Variants in ARFGEF2 observed in about 807,000 individuals in gnomAD.
ARFGEF2 encodes brefeldin A-inhibited guanine nucleotide-exchange protein 2.
A neutral mutation model predicts 219.9 loss-of-function variants in ARFGEF2; 74 were observed. That is an observed-to-expected ratio of 0.34 (90% CI 0.28 to 0.41). The LOEUF is 0.41. ARFGEF2 is among the 10% of genes least tolerant of loss of function. The pLI, the probability that ARFGEF2 is intolerant of heterozygous loss-of-function variation, is 1.00. For synonymous variants in ARFGEF2, 733 were observed against 799.2 expected (o/e 0.92, Z 1.40); for missense variants, 1,743 against 2,218.3 (o/e 0.79, Z 4.30).
chr20:49,014,173 A>G (rs1325327989), intron 30 of ARFGEF2, among the ~76,000 whole-genome samples: 2 of 151,940 alleles, frequency 1.3e-5, no homozygotes, highest in Admixed American at 6.6e-5. Flanking sequence ...ATGAGAGGAA[A>G]TACATCTCTG....
At chr20:48,946,964 G>C (rs1401428331) in intron 3 of ARFGEF2, among the ~76,000 whole-genome samples, 2 of 152,032 alleles carry the variant, frequency 1.3e-5, no homozygotes, top group African/African-American at 4.8e-5. Context: ...GCCACACCCA[G>C]CTAGTTATTT....
At chr20:48,937,096 A>C (rs1008252092) in intron 1 of ARFGEF2, among the ~76,000 whole-genome samples, 1 of 152,164 alleles carries the variant, frequency 6.6e-6, no homozygotes, top group African/African-American at 2.4e-5. Flanking sequence ...CAAAACAAAA[A>C]CAAAAGGTGC....
intron 1 of ARFGEF2, among the ~76,000 whole-genome samples, chr20:48,929,892 T>G (rs145430345): frequency 6.6e-6 from 1 of 152,132 alleles, no homozygotes; most frequent in Non-Finnish European, 1.5e-5. Context: ...GCTAGGAGTT[T>G]TATTTTTTAG....
At chr20:48,928,052 T>G (rs1490575941) in intron 1 of ARFGEF2, among the ~76,000 whole-genome samples, 2 of 152,174 alleles carry the variant, frequency 1.3e-5, no homozygotes, top group Non-Finnish European at 2.9e-5. Flanking sequence ...GGGCCGCAGT[T>G]TCCCAAGGTG....
chr20:48,994,648 G>A (rs2091375963), intron 22 of ARFGEF2, 50 bp downstream of exon 22: 5 of 1,607,466 alleles, frequency 3.1e-6, no homozygotes, highest in Non-Finnish European at 4.2e-6. Flanking sequence ...CAAGCTAACG[G>A]GGATGAAACC....
chr20:48,943,605 C>G (rs1047690149), intron 3 of ARFGEF2, among the ~76,000 whole-genome samples: 2 of 152,128 alleles, frequency 1.3e-5, no homozygotes, highest in African/African-American at 4.8e-5. Flanking sequence ...GGGTCTCACT[C>G]TGTTGCCCAG....
At chr20:49,025,238 C>T (rs2091594385) in intron 35 of ARFGEF2, 75 bp from the exon 36 acceptor site, 23 of 1,474,690 alleles carry the variant, frequency 1.6e-5, no homozygotes, top group Non-Finnish European at 1.6e-5. Context: ...TCATGACTGC[C>T]GTTGTCTGCA....
intron 3 of ARFGEF2, among the ~76,000 whole-genome samples, chr20:48,945,542 T>C (rs2091020187): frequency 6.6e-6 from 1 of 152,156 alleles, no homozygotes. Flanking sequence ...TCTTGAGTCT[T>C]ATGGGGTATG....
chr20:49,005,252 C>T (rs1481048922), intron 26 of ARFGEF2, 31 bp downstream of exon 26: 1 of 1,613,368 alleles, frequency 6.2e-7, no homozygotes, highest in Non-Finnish European at 8.5e-7. Context: ...GACGCTTGGT[C>T]AAATTCCCCG....
Position 48,941,249 on chromosome 20 carries a change from C to G in ARFGEF2, c.152+20C>G. 1 of 1,612,230 alleles carries G rather than the reference C, an allele frequency of 6.2e-7. No homozygotes were observed. Among genetic ancestry groups the G allele is most frequent in the Non-Finnish European group, 8.5e-7 (1 of 1,178,932 alleles). Reference sequence around the variant, plus strand: ...GCAGAGGTAAGCTATAGCACTACCTCCTTGCTGAGATACGGCATGAAGGGA... The same window carrying G: ...GCAGAGGTAAGCTATAGCACTACCTGCTTGCTGAGATACGGCATGAAGGGA... On this transcript the variant is annotated intron_variant, in intron 2 of 38. Transcript: ENST00000371917.
rs1429219989 is a variant in ARFGEF2 at position 49,016,325 on chromosome 20, A to T, written c.4225A>T (p.Ile1409Phe). 2 of 1,613,998 alleles carry T rather than the reference A, an allele frequency of 1.2e-6. No individual in the cohort carries two copies. Among genetic ancestry groups the T allele is most frequent in the South Asian group, 2.2e-5 (2 of 91,086 alleles). The change falls in exon 31 of 39, where the codon ATT (isoleucine) becomes TTT (phenylalanine). Residue 1409 changes from isoleucine (I) to phenylalanine (F), a missense_variant. Physicochemically the swap from Ile to Phe is conservative, Grantham distance 21 (BLOSUM62 0). Around this residue, in one of 5 missense-constraint regions of ARFGEF2, gnomAD observed 578 missense variants for 664.0 expected, o/e 0.87. Coordinates refer to ENST00000371917, the MANE Select transcript of ARFGEF2 (RefSeq NM_006420.3). ...AACCTGCAATCACGCACTTTATGCT[A>T]TTTGTGATGTTTTTACCCAGTTTTA... ...TTTCNHALYA[I>F]CDVFTQFYEA...
At chr20:48,948,007 C>T (rs773912411) in intron 3 of ARFGEF2, among the ~76,000 whole-genome samples, 36 of 152,188 alleles carry the variant, frequency 2.4e-4, no homozygotes, top group Admixed American at 4.6e-4. Context: ...CTAAGCTGCC[C>T]TGTTTATACC....
At chr20:48,929,055 C>T (rs1387977556) in intron 1 of ARFGEF2, among the ~76,000 whole-genome samples, 1 of 152,186 alleles carries the variant, frequency 6.6e-6, no homozygotes, top group Non-Finnish European at 1.5e-5. Flanking sequence ...ATGGAGTGTC[C>T]TATATAAATA....
rs146185214 is a variant in ARFGEF2 at position 49,001,814 on chromosome 20, A to G, written c.3433-3256A>G. Among the ~76,000 whole-genome samples the G allele has an allele frequency of 1.3e-3, 193 of 152,280 alleles. 1 individual carries two copies. The highest frequency in any genetic ancestry group is 3.7e-3 in the South Asian group (18 of 4,830). On this transcript the variant is annotated intron_variant, in intron 25 of 38. Transcript: ENST00000371917. ...TACTCATAGAAATATTACAGATAATATTGTCTTGGTTTGTTTCGCTTTTTA... is the reference window on the plus strand; with the variant it reads ...TACTCATAGAAATATTACAGATAATGTTGTCTTGGTTTGTTTCGCTTTTTA...
At chr20:49,019,120 C>T in intron 34 of ARFGEF2, 122 bp downstream of exon 34, 1 of 805,104 alleles carries the variant, frequency 1.2e-6, no homozygotes, top group Non-Finnish European at 2.0e-6. Context: ...TCTGCCAGTT[C>T]TCTGTAGCAG....
chr20:48,965,366 A>G (rs1363770808), intron 7 of ARFGEF2, among the ~76,000 whole-genome samples: 1 of 152,258 alleles, frequency 6.6e-6, no homozygotes, highest in Non-Finnish European at 1.5e-5. Flanking sequence ...ATCATCAGAT[A>G]TGCTTTCCTT....
chr20:48,976,256 G>A (rs2091260685), intron 14 of ARFGEF2, 57 bp downstream of exon 14: 5 of 1,593,218 alleles, frequency 3.1e-6, no homozygotes, highest in Middle Eastern at 1.8e-4. Flanking sequence ...TTTTCTCTGG[G>A]AACCTGGAAC....
In ARFGEF2 at chr20:48,973,263, G is replaced by A. The variant is rs147534008; in HGVS notation, c.1644G>A (p.Glu548=). The change falls in exon 12 of 39, where the codon GAG becomes GAA. Residue 548 remains glutamate, a synonymous_variant. Coordinates refer to ENST00000371917, the MANE Select transcript of ARFGEF2 (RefSeq NM_006420.3). ...SKIAQGRSGH[E]LGMTPLQELS... is the part of the protein sequence containing the mutation. ...TTGCTCAGGGAAGAAGTGGACATGA[G>A]CTGGGAATGACACCTCTGCAGGTAA... 2,292 of 1,614,138 alleles carry A rather than the reference G, an allele frequency of 1.4e-3. 5 individuals carry two copies. The highest frequency in any genetic ancestry group is 1.7e-3 in the Non-Finnish European group (2,031 of 1,180,024).
chr20:48,968,270 G>A (rs1327049059), intron 8 of ARFGEF2, among the ~76,000 whole-genome samples: 1 of 152,104 alleles, frequency 6.6e-6, no homozygotes, highest in Non-Finnish European at 1.5e-5. Flanking sequence ...TGGGATTACA[G>A]GCGTGAGCCA....
Sources: allele counts gnomAD v4.1 joint callset (sites outside exome capture counted in the v4.1 genomes callset), GRCh38; gene constraint gnomAD v4.1.1; regional missense constraint gnomAD v4.1.1; transcripts MANE v1.5; gene names NCBI Gene and HGNC (gene_info 2026-07-23, HGNC 2026-07-21).